IDUA: variants seen among roughly 807,000 people sequenced by gnomAD.
IDUA encodes the protein iduronidase alpha-L-.
Under a neutral mutation model 68.9 loss-of-function variants are expected in IDUA, and 65 were observed. The ratio of observed to expected loss-of-function variants is 0.94; its 90% CI spans 0.77 to 1.16. The LOEUF (loss-of-function observed/expected upper bound fraction) is 1.16. IDUA is among the 50% of genes most tolerant of loss of function. IDUA has a pLI of 0.00. For missense variants in IDUA, 1,046 were observed against 938.0 expected (o/e 1.12, Z -1.50); for synonymous variants, 529 against 433.6 (o/e 1.22, Z -2.73).
chr4:994,506 C>T (rs968556209), intron 2 of IDUA, among the ~76,000 whole-genome samples: 2 of 150,814 alleles, frequency 1.3e-5, no homozygotes, highest in Admixed American at 6.6e-5. Context: ...GGCATGATCT[C>T]GGCTCACTGC....
chr4:987,417 G>A (rs2153015372), intron 1 of IDUA, among the ~76,000 whole-genome samples, 175 bp downstream of exon 1: 1 of 152,244 alleles, frequency 6.6e-6, no homozygotes, highest in Admixed American at 6.5e-5. Flanking sequence ...GTGGGCGCCG[G>A]GGCGTGAGCC....
At chr4:990,796 C>G in intron 2 of IDUA, 1 of 401,474 alleles carries the variant, frequency 2.5e-6, no homozygotes, top group Admixed American at 4.2e-5. Flanking sequence ...GGCCATCCCC[C>G]ACTCCACCTA....
intron 4 of IDUA, 144 bp downstream of exon 4, chr4:1,001,133 G>A: frequency 1.5e-6 from 1 of 684,486 alleles, no homozygotes; most frequent in Non-Finnish European, 2.6e-6. Flanking sequence ...GGGTGACAAG[G>A]GATAGGTTGG....
rs201608921 is a variant in IDUA at position 989,554 on chromosome 4, C to T, written c.299+1605C>T. ...GTCAGCCGGGCTCATCCGCCACAGC[C>T]GCGGGAGGTCCCACACCTTGCGCAG... On this transcript the variant is annotated intron_variant, in intron 2 of 13. Coordinates refer to ENST00000514224, the MANE Select transcript of IDUA (RefSeq NM_000203.5). The T allele has an allele frequency of 8.5e-5, 134 of 1,577,232 alleles. No individual in the cohort carries two copies. The East Asian group carries it at 1.7e-3, about 20-fold the overall frequency.
At chr4:1,001,286 C>T in intron 4 of IDUA, 182 bp from the exon 5 acceptor site, 2 of 671,302 alleles carry the variant, frequency 3.0e-6, no homozygotes, top group South Asian at 1.7e-5. Flanking sequence ...ATCACCCAGG[C>T]CGCCGCCCAG....
At position 990,542 on chromosome 4, in the gene IDUA, C is replaced by T. The variant is rs555949429; in HGVS notation, c.299+2593C>T. 8.0e-6 allele frequency: 5 copies of T among 625,610 alleles called. No homozygotes were observed. The East Asian group carries it at 1.1e-4, about 14-fold the overall frequency. 38.8% of individuals were successfully genotyped at this position (625,610 alleles called of 1,614,324 possible). On this transcript the variant is annotated intron_variant, in intron 2 of 13. Coordinates refer to ENST00000514224, the MANE Select transcript of IDUA (RefSeq NM_000203.5). ...GGCCTGAGTTCTGGTTCCACGCGTG[C>T]TCATGCCCGCAGACAACTGTGACAT... is the stretch of plus-strand genomic sequence containing the variant.
At chr4:1,001,381 G>GC in intron 4 of IDUA, 87 bp from the exon 5 acceptor site, 1 of 1,087,930 alleles carries the variant, frequency 9.2e-7, no homozygotes, top group Admixed American at 1.7e-5. Flanking sequence ...TGAGTCAGAC[G>GC]CCCTTCATCA....
At chr4:994,918 C>G (rs893402792) in intron 2 of IDUA, among the ~76,000 whole-genome samples, 1 of 152,096 alleles carries the variant, frequency 6.6e-6, no homozygotes, top group East Asian at 1.9e-4. Context: ...AGAGCAAGAG[C>G]CCGTCTCAAA....
rs1353232878 is a variant in IDUA at position 987,925 on chromosome 4, G to A, written c.275G>A (p.Trp92Ter). ...HRGIKQVRTH[W>*]LLELVTTRGS... ...GGCATCAAGCAGGTCCGGACCCACT[G>A]GCTGCTGGAGCTTGTCACCACCAGG... Residue 92 changes from tryptophan to a stop codon, truncating the protein, a stop_gained, in exon 2 of 14, where the codon TGG (tryptophan) becomes TAG (stop). Coordinates refer to ENST00000514224, the MANE Select transcript of IDUA (RefSeq NM_000203.5). LOFTEE classifies it high-confidence loss of function. 1 of 1,593,990 alleles carries A rather than the reference G, an allele frequency of 6.3e-7. No individual in the cohort carries two copies. The highest frequency in any genetic ancestry group is 2.3e-5 in the East Asian group (1 of 43,750).
intron 2 of IDUA, chr4:988,702 C>T (rs2153016084): frequency 1.4e-6 from 2 of 1,416,268 alleles, no homozygotes; most frequent in Non-Finnish European, 1.8e-6. Context: ...CCCGGTTTCC[C>T]CAGGGCAGCT....
chr4:1,001,914 C>G, intron 6 of IDUA, 33 bp downstream of exon 6: 2 of 1,570,456 alleles, frequency 1.3e-6, no homozygotes, highest in Non-Finnish European at 1.7e-6. Flanking sequence ...CCCCGGTGTT[C>G]TGCGCCCTCA....
In IDUA at chr4:1,004,017, T is replaced by G; in HGVS notation, c.1733T>G (p.Leu578Arg). The change falls in exon 13 of 14, where the codon CTG becomes CGG. Residue 578 changes from leucine (L) to arginine (R), a missense_variant. Transcript: ENST00000514224. The surrounding 1 kb of genome is among the most constrained non-coding windows in gnomAD (Gnocchi z 5.0). ...WSDEHVGSKC[L>R]WTYEIQFSQD... is the part of the protein sequence containing the mutation. ...TCTTGGCCTGACCTCCCCAGGTGCC[T>G]GTGGACATACGAGATCCAGTTCTCT... The G allele has an allele frequency of 6.2e-7, 1 of 1,610,690 alleles. No homozygotes were observed. Among genetic ancestry groups the G allele is most frequent in the Non-Finnish European group, 8.5e-7 (1 of 1,178,938 alleles).
intron 3 of IDUA, 60 bp from the exon 4 acceptor site, chr4:1,000,822 G>C: frequency 2.0e-6 from 3 of 1,520,666 alleles, no homozygotes; most frequent in Non-Finnish European, 1.8e-6. Flanking sequence ...CGGAGCACAG[G>C]CCTGGCAGAG....
chr4:996,209 C>T (rs946208920), intron 2 of IDUA, among the ~76,000 whole-genome samples: 4 of 152,256 alleles, frequency 2.6e-5, no homozygotes, highest in Non-Finnish European at 4.4e-5. Flanking sequence ...CTGTAAGAAG[C>T]GGTTGGCCAG....
At position 1,004,057 on chromosome 4, in the gene IDUA, G is replaced by T. The variant is rs148894462; in HGVS notation, c.1773G>T (p.Ala591=). 23 of 1,612,252 alleles carry T rather than the reference G, an allele frequency of 1.4e-5. No individual in the cohort carries two copies. The highest frequency in any genetic ancestry group is 1.6e-4 in the Middle Eastern group (1 of 6,062). Residue 591 remains alanine (A), a synonymous_variant, in exon 13 of 14, where the codon GCG becomes GCT. Coordinates refer to ENST00000514224, the MANE Select transcript of IDUA (RefSeq NM_000203.5). The surrounding 1 kb of genome is among the most constrained non-coding windows in gnomAD (Gnocchi z 5.0). Reference sequence around the variant, plus strand: ...TCCAGTTCTCTCAGGACGGTAAGGCGTACACCCCGGTCAGCAGGAAGCCAT... The same window carrying T: ...TCCAGTTCTCTCAGGACGGTAAGGCTTACACCCCGGTCAGCAGGAAGCCAT... ...YEIQFSQDGK[A]YTPVSRKPST...
rs931627770 is a variant in IDUA, at chr4:1,002,811, C to A, written c.1269C>A (p.Ser423Arg). 16 of 1,458,258 alleles carry A rather than the reference C, an allele frequency of 1.1e-5. No individual in the cohort carries two copies. The highest frequency in any genetic ancestry group is 1.4e-5 in the Non-Finnish European group (16 of 1,111,176). The allele number at this position is 1,458,258 out of a possible 1,614,324, so 90.3% of individuals were successfully genotyped here. ...ACCACACGGTGGGCGTCCTGGCCAG[C>A]GCCCACCGCCCCCAGGGCCCGGCCG... is the stretch of plus-strand genomic sequence containing the variant. ...DSNHTVGVLA[S>R]AHRPQGPADA... is the part of the protein sequence containing the mutation. Residue 423 changes from serine (S) to arginine (R), a missense_variant, in exon 9 of 14, where the codon AGC becomes AGA. Physicochemically the swap from Ser to Arg is moderately radical, Grantham distance 110. Transcript: ENST00000514224.
In IDUA at chr4:1,001,978, G is replaced by A; in HGVS notation, c.793-4G>A. The A allele has an allele frequency of 6.3e-7, 1 of 1,579,266 alleles. No individual in the cohort carries two copies. Among genetic ancestry groups the A allele is most frequent in the Non-Finnish European group, 8.6e-7 (1 of 1,164,246 alleles). Reference sequence around the variant, plus strand: ...TGGTGGTGCTGAGGCGGCCCCGCCCGCAGGGTGCGCGCAGCTCCATCTCCA... The same window carrying A: ...TGGTGGTGCTGAGGCGGCCCCGCCCACAGGGTGCGCGCAGCTCCATCTCCA... On this transcript the variant is annotated splice_region_variant and splice_polypyrimidine_tract_variant and intron_variant, in intron 6 of 13. Coordinates refer to ENST00000514224, the MANE Select transcript of IDUA (RefSeq NM_000203.5).
intron 2 of IDUA, among the ~76,000 whole-genome samples, chr4:994,168 G>A (rs921289829): frequency 6.6e-6 from 1 of 152,202 alleles, no homozygotes; most frequent in African/African-American, 2.4e-5. Flanking sequence ...AGCCAGGCAC[G>A]ATGGTTCACT....
At chr4:998,764 T>A (rs1422656576) in intron 2 of IDUA, among the ~76,000 whole-genome samples, 1 of 150,712 alleles carries the variant, frequency 6.6e-6, no homozygotes, top group Admixed American at 6.6e-5. Flanking sequence ...AATCCACAGT[T>A]GCCCTGTACG....
Sources: gnomAD v4.1 joint callset for allele counts (sites outside exome capture counted in the v4.1 genomes callset) on GRCh38, gnomAD v4.1.1 for gene constraint, Gnocchi (gnomAD v3.1) non-coding constraint, MANE v1.5 for transcripts, NCBI Gene and HGNC (gene_info 2026-07-23, HGNC 2026-07-21) for gene names.